CACNA1E: variants seen among roughly 807,000 people sequenced by gnomAD.
CACNA1E encodes calcium voltage-gated channel subunit alpha1 E, also known as voltage-dependent R-type calcium channel subunit alpha-1E.
A neutral mutation model predicts 259.2 loss-of-function variants in CACNA1E; 40 were observed. The ratio of observed to expected loss-of-function variants is 0.15; its 90% CI spans 0.12 to 0.20. The LOEUF (loss-of-function observed/expected upper bound fraction) is 0.20. CACNA1E is among the 10% of genes least tolerant of loss of function. The probability of loss-of-function intolerance (pLI) is 1.00; values close to 1 mark genes in which losing one functional copy is unlikely to be tolerated. For missense variants in CACNA1E, 1,874 were observed against 3,040.1 expected (o/e 0.62, Z 9.02); for synonymous variants, 1,104 against 1,138.5 (o/e 0.97, Z 0.61).
At chr1:181,555,186 T>G (rs990072955) in intron 3 of CACNA1E, among the ~76,000 whole-genome samples, 2 of 152,222 alleles carry the variant, frequency 1.3e-5, no homozygotes, top group African/African-American at 4.8e-5. Flanking sequence ...CCCTTTTAGA[T>G]TTTTAAAAAA....
chr1:181,378,484 C>T (rs1655247483), intron 1 of CACNA1E, among the ~76,000 whole-genome samples: 1 of 152,142 alleles, frequency 6.6e-6, no homozygotes, highest in Non-Finnish European at 1.5e-5. Flanking sequence ...GCTGAGAGCC[C>T]AGGGAGACCA....
intron 1 of CACNA1E, among the ~76,000 whole-genome samples, chr1:181,367,323 C>T (rs1206674342): frequency 6.6e-6 from 1 of 151,938 alleles, no homozygotes; most frequent in East Asian, 1.9e-4. Flanking sequence ...TCCTTTCAAA[C>T]TAATTTTTTT....
intron 26 of CACNA1E, among the ~76,000 whole-genome samples, chr1:181,751,776 G>A (rs1055239696): frequency 3.3e-5 from 5 of 152,178 alleles, no homozygotes; most frequent in Admixed American, 6.5e-5. Flanking sequence ...TGTGTCTTCC[G>A]TTTTCATTGT....
chr1:181,334,788 G>A (rs946894055), intron 1 of CACNA1E, among the ~76,000 whole-genome samples: 2 of 152,136 alleles, frequency 1.3e-5, no homozygotes, highest in Non-Finnish European at 2.9e-5. Context: ...CAGCTCAAAG[G>A]ATCCTTTAGA....
intron 3 of CACNA1E, among the ~76,000 whole-genome samples, chr1:181,563,011 A>G (rs1649472764): frequency 6.6e-6 from 1 of 152,204 alleles, no homozygotes; most frequent in African/African-American, 2.4e-5. Flanking sequence ...GGGATGTGAT[A>G]TGACTCAGAA....
chr1:181,725,263 A>G (rs1393590848), intron 17 of CACNA1E, among the ~76,000 whole-genome samples: 3 of 152,134 alleles, frequency 2.0e-5, no homozygotes, highest in East Asian at 3.9e-4. Flanking sequence ...ATCTGCATAT[A>G]TGGTAGGAAA....
intron 7 of CACNA1E, among the ~76,000 whole-genome samples, chr1:181,710,234 C>A (rs1017338727): frequency 3.3e-4 from 46 of 139,746 alleles, no homozygotes; most frequent in Non-Finnish European, 6.3e-4. Context: ...TTATGGGAGT[C>A]AGGTGTCCTT....
intron 1 of CACNA1E, among the ~76,000 whole-genome samples, chr1:181,403,651 G>T (rs1657259441): frequency 6.6e-6 from 1 of 152,196 alleles, no homozygotes; most frequent in Admixed American, 6.5e-5. Context: ...AAATGGCTTT[G>T]TAGAATGTGG....
At chr1:181,605,101 A>G (rs1457014924) in intron 6 of CACNA1E, among the ~76,000 whole-genome samples, 1 of 152,174 alleles carries the variant, frequency 6.6e-6, no homozygotes, top group Non-Finnish European at 1.5e-5. Flanking sequence ...AGGGAGAGAA[A>G]AGAAAGTGCT....
intron 6 of CACNA1E, among the ~76,000 whole-genome samples, chr1:181,630,826 C>T (rs1656662413): frequency 6.6e-6 from 1 of 152,162 alleles, no homozygotes; most frequent in Non-Finnish European, 1.5e-5. Context: ...ACCCTGGGAC[C>T]TGAAACATTA....
chr1:181,753,547 A>G (rs1471748202), intron 27 of CACNA1E, among the ~76,000 whole-genome samples: 1 of 152,186 alleles, frequency 6.6e-6, no homozygotes, highest in African/African-American at 2.4e-5. Context: ...GTGTGGAGAA[A>G]ATGAACTGAC....
rs544723780 is a variant in CACNA1E, at chr1:181,805,410, G to C, written c.*6576G>C. ...GAAAAACACACTCCAAAATTTTAAAGTGCCATTAATCAATTTTTAAGAATA... is the reference window on the plus strand; with the variant it reads ...GAAAAACACACTCCAAAATTTTAAACTGCCATTAATCAATTTTTAAGAATA... On this transcript the variant is annotated 3_prime_UTR_variant, in exon 48 of 48. Coordinates refer to ENST00000367573, the MANE Select transcript of CACNA1E (RefSeq NM_001205293.3). 6.6e-6 allele frequency: 1 copy of C among 152,262 alleles called. No homozygotes were observed. Among genetic ancestry groups the C allele is most frequent in the Non-Finnish European group, 1.5e-5 (1 of 68,024 alleles). The allele number at this position is 152,262 out of a possible 1,614,324, so 9.4% of individuals were successfully genotyped here.
chr1:181,712,610 GTTGA>G (rs1243981155), intron 8 of CACNA1E, among the ~76,000 whole-genome samples: 3 of 152,204 alleles, frequency 2.0e-5, no homozygotes, highest in Non-Finnish European at 2.9e-5. Context: ...AGCAATGTGT[GTTGA>G]CTATACTTGC....
intron 1 of CACNA1E, among the ~76,000 whole-genome samples, chr1:181,341,459 G>A (rs1194839908): frequency 1.3e-5 from 2 of 152,172 alleles, no homozygotes; most frequent in East Asian, 1.9e-4. Context: ...TTGTCTAGAC[G>A]AGGATTAAAG....
intron 1 of CACNA1E, among the ~76,000 whole-genome samples, chr1:181,503,939 T>C (rs764188569): frequency 1.3e-5 from 2 of 152,212 alleles, no homozygotes; most frequent in Non-Finnish European, 2.9e-5. Context: ...AAGGCTTGGA[T>C]AGCTGTATTT....
chr1:181,569,185 C>T (rs530843747), intron 3 of CACNA1E, among the ~76,000 whole-genome samples: 4 of 152,286 alleles, frequency 2.6e-5, no homozygotes, highest in East Asian at 3.9e-4. Flanking sequence ...CATTAAGTAT[C>T]GCAAGGACAG....
chr1:181,794,772 C>G (rs1661640491), intron 45 of CACNA1E, 92 bp from the exon 46 acceptor site: 1 of 1,199,640 alleles, frequency 8.3e-7, no homozygotes, highest in African/African-American at 1.5e-5. Flanking sequence ...AATTTGCCTT[C>G]CTTAACGTCT....
intron 15 of CACNA1E, among the ~76,000 whole-genome samples, chr1:181,721,091 A>G (rs1654374967): frequency 1.3e-5 from 2 of 152,188 alleles, no homozygotes; most frequent in Admixed American, 6.5e-5. Flanking sequence ...TCCTTCTCTC[A>G]CACCTGTGAG....
chr1:181,421,213 T>C (rs1279861706), intron 2 of CACNA1E, among the ~76,000 whole-genome samples: 1 of 152,212 alleles, frequency 6.6e-6, no homozygotes, highest in Non-Finnish European at 1.5e-5. Context: ...GGAACTCAGT[T>C]CATGCTTGAA....
Sources: gnomAD v4.1 joint callset for allele counts (sites outside exome capture counted in the v4.1 genomes callset) on GRCh38, gnomAD v4.1.1 for gene constraint, MANE v1.5 for transcripts, NCBI Gene and HGNC (gene_info 2026-07-23, HGNC 2026-07-21) for gene names.